STARD9: variants seen among roughly 807,000 people sequenced by gnomAD.
The protein encoded by STARD9 is stAR-related lipid transfer protein 9.
Under a neutral mutation model 399.8 loss-of-function variants are expected in STARD9, and 346 were observed. The ratio of observed to expected loss-of-function variants is 0.87; its 90% CI spans 0.79 to 0.95. The LOEUF is 0.95. STARD9 is among the 40% of genes least tolerant of loss of function. The pLI is 0.00. For synonymous variants in STARD9, 2,203 were observed against 2,143.5 expected (o/e 1.03, Z -0.77); for missense variants, 5,832 against 5,667.5 (o/e 1.03, Z -0.93).
chr15:42,600,074 A>G lies in STARD9; in HGVS notation c.234+14437A>G, dbSNP rs539446091. Among the ~76,000 whole-genome samples the G allele has an allele frequency of 6.6e-4, 101 of 152,242 alleles. 1 individual carries two copies. Among genetic ancestry groups the G allele is most frequent in the African/African-American group, 2.4e-3 (98 of 41,542 alleles). On this transcript the variant is annotated intron_variant, in intron 3 of 32. Transcript: ENST00000290607. ...ATCAGGTGGTGCTAGTCTGGGTGAA[A>G]CTAAGAGGATATAGTCACAGTGCCC...
In STARD9 at chr15:42,691,481, C is replaced by T; in HGVS notation, c.9903C>T (p.Asn3301=). 1 of 1,537,244 alleles carries T rather than the reference C, an allele frequency of 6.5e-7. No individual in the cohort carries two copies. The highest frequency in any genetic ancestry group is 8.7e-7 in the Non-Finnish European group (1 of 1,146,902). The change falls in exon 23 of 33, where the codon AAC becomes AAT. Residue 3301 remains asparagine, a synonymous_variant. Transcript: ENST00000290607. ...LYTGREQPAP[N]HRGSLPVTTI... ...CTGGCAGAGAGCAGCCAGCACCCAA[C>T]CACAGGGGCTCACTTCCTGTGACTA...
At chr15:42,631,855 C>A (rs776313062) in intron 3 of STARD9, among the ~76,000 whole-genome samples, 1 of 151,766 alleles carries the variant, frequency 6.6e-6, no homozygotes, top group Non-Finnish European at 1.5e-5. Context: ...GTTTTGTGGC[C>A]GAACATATGG....
chr15:42,682,552 C>G lies in STARD9; in HGVS notation c.2514C>G (p.Ser838Arg). The G allele has an allele frequency of 2.6e-6, 4 of 1,536,488 alleles. No individual in the cohort carries two copies. Among genetic ancestry groups the G allele is most frequent in the Non-Finnish European group, 3.5e-6 (4 of 1,146,402 alleles). ...CSSLSPQRLC[S>R]KHMPQLHSIF... ...CTTTGAGCCCCCAAAGACTCTGCAG[C>G]AAGCACATGCCCCAGCTACACAGGT... Residue 838 changes from serine (S) to arginine (R), a missense_variant, in exon 22 of 33, where the codon AGC becomes AGG. Coordinates refer to ENST00000290607, the MANE Select transcript of STARD9 (RefSeq NM_020759.3).
At chr15:42,607,090 G>T (rs1280274680) in intron 3 of STARD9, among the ~76,000 whole-genome samples, 1 of 151,306 alleles carries the variant, frequency 6.6e-6, no homozygotes, top group Admixed American at 6.6e-5. Context: ...TGGGACTACA[G>T]GCATGTGCCA....
intron 25 of STARD9, 85 bp from the exon 26 acceptor site, chr15:42,695,658 G>T: frequency 7.0e-7 from 1 of 1,437,390 alleles, no homozygotes; most frequent in South Asian, 1.4e-5. Flanking sequence ...GAGCAGGGAA[G>T]GGGTGGCTTT....
At chr15:42,704,145 A>T (rs2061026343) in intron 26 of STARD9, among the ~76,000 whole-genome samples, 1 of 152,096 alleles carries the variant, frequency 6.6e-6, no homozygotes, top group African/African-American at 2.4e-5. Flanking sequence ...TCCTGACCTC[A>T]GGTGATCTGC....
Position 42,691,685 on chromosome 15 carries a change from A to G in STARD9, c.10107A>G (p.Gly3369=), listed in dbSNP as rs529481842. The change falls in exon 23 of 33, where the codon GGA becomes GGG. Residue 3369 remains glycine (G), a synonymous_variant. Transcript: ENST00000290607. The stretch of plus-strand genomic sequence containing the variant: ...CACATCTCAGGGGCTATTCCTCAGG[A>G]AAGTCAGTGGCAAGAACATCTCTGC... ...WNPHLRGYSS[G]KSVARTSLQA... 5.2e-6 allele frequency: 8 copies of G among 1,537,266 alleles called. No homozygotes were observed. In the South Asian group the frequency reaches 8.3e-5, roughly 16 times the overall value.
chr15:42,607,623 C>T (rs912464071), intron 3 of STARD9, among the ~76,000 whole-genome samples: 1 of 148,846 alleles, frequency 6.7e-6, no homozygotes, highest in Non-Finnish European at 1.5e-5. Flanking sequence ...CTAGGAGAAT[C>T]TTAATATATT....
At chr15:42,589,914 C>T (rs1290394818) in intron 3 of STARD9, among the ~76,000 whole-genome samples, 1 of 134,882 alleles carries the variant, frequency 7.4e-6, no homozygotes, top group Non-Finnish European at 1.6e-5. Context: ...CAAGATTCAT[C>T]TTTACTGTTG....
intron 3 of STARD9, among the ~76,000 whole-genome samples, chr15:42,598,054 T>C (rs925886274): frequency 1.2e-4 from 15 of 120,138 alleles, no homozygotes; most frequent in Non-Finnish European, 1.7e-4. Flanking sequence ...GTGTTTGAGA[T>C]GGAGTCTTGC....
chr15:42,651,009 C>A lies in STARD9; in HGVS notation c.560-7C>A. 2 of 1,509,550 alleles carry A rather than the reference C, an allele frequency of 1.3e-6. No individual in the cohort carries two copies. The highest frequency in any genetic ancestry group is 1.8e-6 in the Non-Finnish European group (2 of 1,129,304). 93.5% of individuals were successfully genotyped at this position (1,509,550 alleles called of 1,614,324 possible). A position where few individuals can be genotyped will look rare whatever the true frequency, so the allele number is the denominator to read the frequency against. On this transcript the variant is annotated splice_polypyrimidine_tract_variant and splice_region_variant and intron_variant, in intron 7 of 32. Coordinates refer to ENST00000290607, the MANE Select transcript of STARD9 (RefSeq NM_020759.3). ...AATTTCTTTTTTCCGTTTCACAAAT[C>A]CGATAGGTTTATCTCAACATGTAGT...
At chr15:42,592,236 G>A (rs764325272) in intron 3 of STARD9, among the ~76,000 whole-genome samples, 19 of 152,150 alleles carry the variant, frequency 1.2e-4, no homozygotes, top group Admixed American at 3.9e-4. Context: ...TTGAACACAG[G>A]ATCATCTGAC....
chr15:42,719,107 G>GTT (rs2061404302), intron 32 of STARD9, among the ~76,000 whole-genome samples, 197 bp downstream of exon 32: 1 of 152,214 alleles, frequency 6.6e-6, no homozygotes, highest in Admixed American at 6.5e-5. Context: ...TGCGACAGGA[G>GTT]TTTATCAATC....
intron 3 of STARD9, among the ~76,000 whole-genome samples, chr15:42,596,344 C>T (rs1008269465): frequency 2.0e-5 from 3 of 152,158 alleles, no homozygotes; most frequent in Non-Finnish European, 4.4e-5. Flanking sequence ...ACCCTTTGCA[C>T]CTTAAACTTG....
Position 42,695,228 on chromosome 15 carries a change from A to T in STARD9, c.13051A>T (p.Lys4351Ter). Residue 4351 changes from lysine (K) to a stop codon, truncating the protein, a stop_gained, in exon 25 of 33, where the codon AAG becomes TAG. Coordinates refer to ENST00000290607, the MANE Select transcript of STARD9 (RefSeq NM_020759.3). LOFTEE classifies it high-confidence loss of function. ...CTACCAGCAGGCCCATGAGGAGGCC[A>T]AGGTGGAGATTGCCCGGGCCCGAGA... ...QDYQQAHEEA[K>*]VEIARARDQL... 1.3e-6 allele frequency: 2 copies of T among 1,537,198 alleles called. No homozygotes were observed. The highest frequency in any genetic ancestry group is 1.7e-6 in the Non-Finnish European group (2 of 1,146,870).
chr15:42,619,551 CAAAAA>C, intron 3 of STARD9, among the ~76,000 whole-genome samples: 1 of 135,218 alleles, frequency 7.4e-6, no homozygotes, highest in South Asian at 2.5e-4. Context: ...AAGACTGTCT[CAAAAA>C]AAAAAAAAAA....
intron 31 of STARD9, 84 bp downstream of exon 31, chr15:42,718,598 T>A: frequency 6.8e-7 from 1 of 1,460,078 alleles, no homozygotes; most frequent in Non-Finnish European, 9.3e-7. Flanking sequence ...CCTCAGGTCC[T>A]CTAGGGGAAG....
chr15:42,665,509 G>A (rs951496677), intron 14 of STARD9, among the ~76,000 whole-genome samples, 179 bp downstream of exon 14: 23 of 152,192 alleles, frequency 1.5e-4, no homozygotes, highest in African/African-American at 5.3e-4. Context: ...GCTTCAGATG[G>A]TGTGGGCATT....
intron 13 of STARD9, among the ~76,000 whole-genome samples, chr15:42,664,822 A>ACC (rs1555400010): frequency 1.4e-5 from 2 of 147,566 alleles, no homozygotes; most frequent in South Asian, 4.3e-4. Flanking sequence ...ACACACACAC[A>ACC]CACCCCATAC....
Sources: allele counts gnomAD v4.1 joint callset (sites outside exome capture counted in the v4.1 genomes callset), GRCh38; gene constraint gnomAD v4.1.1; transcripts MANE v1.5; gene names NCBI Gene and HGNC (gene_info 2026-07-23, HGNC 2026-07-21).